Variants in EPHX2 observed in about 807,000 individuals in gnomAD.
The protein encoded by EPHX2 is epoxide hydrolase 2.
In EPHX2, 74 loss-of-function variants were observed where a neutral mutation model predicts 78.7. The ratio of observed to expected loss-of-function variants is 0.94; its 90% CI spans 0.78 to 1.14. The LOEUF (loss-of-function observed/expected upper bound fraction) is 1.14. EPHX2 is among the 50% of genes most tolerant of loss of function. The pLI, the probability that EPHX2 is intolerant of heterozygous loss-of-function variation, is 0.00. For synonymous variants in EPHX2, 251 were observed against 255.2 expected (o/e 0.98, Z 0.16); for missense variants, 715 against 702.5 (o/e 1.02, Z -0.20).
rs900683440 is a variant in EPHX2 at position 27,502,220 on chromosome 8, G to C, written c.186+1210G>C. Among the ~76,000 whole-genome samples the C allele has an allele frequency of 4.6e-5, 7 of 152,166 alleles. No homozygotes were observed. In the South Asian group the frequency reaches 1.4e-3, roughly 32 times the overall value. On this transcript the variant is annotated intron_variant, in intron 2 of 18. Coordinates refer to ENST00000521400, the MANE Select transcript of EPHX2 (RefSeq NM_001979.6). ...AGCTCTTTTGCGTCTGGCATCTTTT[G>C]CTCAACATTGTATGAGTGAGACTCA...
At chr8:27,544,385 G>C in intron 18 of EPHX2, 59 bp from the exon 19 acceptor site, 1 of 1,604,580 alleles carries the variant, frequency 6.2e-7, no homozygotes, top group Non-Finnish European at 8.5e-7. Flanking sequence ...GAGTTGGCTG[G>C]GTAGGTGCAG....
At chr8:27,536,688 C>G (rs1434907514) in intron 12 of EPHX2, 96 bp from the exon 13 acceptor site, 3 of 1,275,504 alleles carry the variant, frequency 2.4e-6, no homozygotes, top group Non-Finnish European at 3.4e-6. Flanking sequence ...GGATGGGGCA[C>G]AGGTAGGGTG....
In EPHX2 at chr8:27,544,491, C is replaced by T. The variant is rs1815520886; in HGVS notation, c.1637C>T (p.Ala546Val). 1 of 1,613,842 alleles carries T rather than the reference C, an allele frequency of 6.2e-7. No individual in the cohort carries two copies. The highest frequency in any genetic ancestry group is 1.7e-5 in the Admixed American group (1 of 60,002). ...CTCATTAAGTGGCTGGATTCTGATG[C>T]CCGGAACCCACCGGTGGTCTCAAAG... Reference protein sequence around the residue: ...QILIKWLDSDARNPPVVSKM With the variant: ...QILIKWLDSDVRNPPVVSKM Residue 546 changes from alanine (A) to valine (V), a missense_variant, in exon 19 of 19, where the codon GCC becomes GTC. Physicochemically the swap from Ala to Val is moderately conservative, Grantham distance 64. Coordinates refer to ENST00000521400, the MANE Select transcript of EPHX2 (RefSeq NM_001979.6).
In EPHX2 at chr8:27,500,972, A is replaced by G. The variant is rs1373622768; in HGVS notation, c.148A>G (p.Thr50Ala). 4 of 1,613,432 alleles carry G rather than the reference A, an allele frequency of 2.5e-6. No homozygotes were observed. Among genetic ancestry groups the G allele is most frequent in the Admixed American group, 3.3e-5 (2 of 59,918 alleles). Reference protein sequence around the residue: ...AFQKGGPEGATTRLMKGEITL... With the variant: ...AFQKGGPEGAATRLMKGEITL... The stretch of plus-strand genomic sequence containing the variant: ...CCAGAAAGGGGGACCAGAGGGTGCC[A>G]CTACCCGGCTTATGAAAGGAGAGAT... The change falls in exon 2 of 19, where the codon ACT (threonine) becomes GCT (alanine). Residue 50 changes from threonine (T) to alanine (A), a missense_variant. By Grantham distance (58) the Thr-to-Ala change is moderately conservative. Coordinates refer to ENST00000521400, the MANE Select transcript of EPHX2 (RefSeq NM_001979.6).
At chr8:27,536,374 AT>A (rs1355557306) in intron 12 of EPHX2, among the ~76,000 whole-genome samples, 1 of 152,176 alleles carries the variant, frequency 6.6e-6, no homozygotes, top group Non-Finnish European at 1.5e-5. Flanking sequence ...ATGGAAGAGC[AT>A]TTGGTATATA....
intron 9 of EPHX2, among the ~76,000 whole-genome samples, chr8:27,518,927 CT>C (rs951738857): frequency 4.0e-4 from 61 of 152,372 alleles, no homozygotes; most frequent in African/African-American, 1.5e-3. Context: ...CCAGGAGCCC[CT>C]ATCCTGCTGT....
intron 3 of EPHX2, among the ~76,000 whole-genome samples, chr8:27,504,263 T>C (rs1190230181): frequency 6.6e-6 from 1 of 152,268 alleles, no homozygotes; most frequent in East Asian, 1.9e-4. Context: ...TATTCCACCC[T>C]CTTATCAGTA....
intron 5 of EPHX2, among the ~76,000 whole-genome samples, chr8:27,508,698 C>A (rs1310978547): frequency 6.6e-6 from 1 of 152,138 alleles, no homozygotes; most frequent in Admixed American, 6.5e-5. Context: ...AACATCATCC[C>A]CCTTGTATTT....
chr8:27,523,372 G>C (rs1015009419), intron 11 of EPHX2, among the ~76,000 whole-genome samples: 4 of 152,186 alleles, frequency 2.6e-5, no homozygotes, highest in African/African-American at 9.7e-5. Flanking sequence ...TTGAGTGGGA[G>C]CTATCAGATG....
At chr8:27,504,014 C>T (rs1165217717) in intron 3 of EPHX2, among the ~76,000 whole-genome samples, 1 of 152,208 alleles carries the variant, frequency 6.6e-6, no homozygotes, top group Non-Finnish European at 1.5e-5. Flanking sequence ...ACATCATTCT[C>T]CCCTTCAATG....
At chr8:27,541,071 A>G (rs1028776693) in intron 15 of EPHX2, among the ~76,000 whole-genome samples, 3 of 152,068 alleles carry the variant, frequency 2.0e-5, no homozygotes, top group Non-Finnish European at 2.9e-5. Flanking sequence ...CCACCTCCCA[A>G]TGTCCCTCTC....
chr8:27,540,544 T>G lies in EPHX2; in HGVS notation c.1277-10T>G, dbSNP rs750345820. The G allele has an allele frequency of 5.0e-6, 8 of 1,613,816 alleles. No individual in the cohort carries two copies. The East Asian group carries it at 1.1e-4, about 22-fold the overall frequency. ...GGGATGGGAAAGTCAACAAGTGGCT[T>G]TTTTTGCAGGAGGACTTTTTGTAAA... On this transcript the variant is annotated splice_polypyrimidine_tract_variant and intron_variant, in intron 14 of 18. Coordinates refer to ENST00000521400, the MANE Select transcript of EPHX2 (RefSeq NM_001979.6).
intron 10 of EPHX2, among the ~76,000 whole-genome samples, chr8:27,522,208 C>T (rs1434529674): frequency 1.3e-5 from 2 of 152,018 alleles, no homozygotes; most frequent in Non-Finnish European, 2.9e-5. Context: ...TGGCCTGTGG[C>T]CTTGGTCTCC....
intron 1 of EPHX2, among the ~76,000 whole-genome samples, chr8:27,495,745 G>T (rs1191221624): frequency 6.6e-6 from 1 of 152,192 alleles, no homozygotes; most frequent in Non-Finnish European, 1.5e-5. Flanking sequence ...CACTACATCA[G>T]TTTCCTTACT....
intron 12 of EPHX2, among the ~76,000 whole-genome samples, chr8:27,531,061 C>G (rs574148671): frequency 1.3e-5 from 2 of 152,328 alleles, no homozygotes; most frequent in East Asian, 3.9e-4. Context: ...CCACGCCCGG[C>G]TGTTACTTTA....
chr8:27,491,145 C>T lies in EPHX2; in HGVS notation c.-64C>T, dbSNP rs1813354920. 4 of 1,481,028 alleles carry T rather than the reference C, an allele frequency of 2.7e-6. No homozygotes were observed. The highest frequency in any genetic ancestry group is 3.6e-6 in the Non-Finnish European group (4 of 1,107,812). 91.7% of individuals were successfully genotyped at this position (1,481,028 alleles called of 1,614,324 possible). A position where few individuals can be genotyped will look rare whatever the true frequency, so the allele number is the denominator to read the frequency against. On this transcript the variant is annotated 5_prime_UTR_variant, in exon 1 of 19. Transcript: ENST00000521400. ...GGGCCAAGCTGGGCGGGTCATGCGC[C>T]CTGGCCTTCGCGCATCTCCCAGGTT...
At chr8:27,519,798 C>G (rs185363446) in intron 9 of EPHX2, among the ~76,000 whole-genome samples, 6 of 152,246 alleles carry the variant, frequency 3.9e-5, no homozygotes, top group Non-Finnish European at 8.8e-5. Flanking sequence ...GTGAGGGGCT[C>G]CTCTCCAGGA....
intron 12 of EPHX2, among the ~76,000 whole-genome samples, chr8:27,527,985 G>T (rs1814906753): frequency 6.6e-6 from 1 of 152,154 alleles, no homozygotes; most frequent in African/African-American, 2.4e-5. Context: ...TGACTCCAAA[G>T]CCCATGCCTC....
intron 5 of EPHX2, among the ~76,000 whole-genome samples, chr8:27,509,679 A>G (rs1814162050): frequency 6.6e-6 from 1 of 152,124 alleles, no homozygotes; most frequent in African/African-American, 2.4e-5. Flanking sequence ...GTGCCTGGCC[A>G]AAATTCTATT....
Sources: allele counts gnomAD v4.1 joint callset (sites outside exome capture counted in the v4.1 genomes callset), GRCh38; gene constraint gnomAD v4.1.1; transcripts MANE v1.5; gene names NCBI Gene and HGNC (gene_info 2026-07-23, HGNC 2026-07-21).